DYNC1H1: variants seen among roughly 807,000 people sequenced by gnomAD.
DYNC1H1 encodes the protein cytoplasmic dynein 1 heavy chain 1.
In DYNC1H1, 51 loss-of-function variants were observed where a neutral mutation model predicts 527.1. That is an observed-to-expected ratio of 0.10 (90% CI 0.08 to 0.12). The LOEUF (loss-of-function observed/expected upper bound fraction) is 0.12, where lower values mean the gene tolerates loss of function less well. Among genes scored for constraint, DYNC1H1 ranks in the 10% least tolerant of loss-of-function variants. The pLI, the probability that DYNC1H1 is intolerant of heterozygous loss-of-function variation, is 1.00. For synonymous variants in DYNC1H1, 2,189 were observed against 2,278.8 expected (o/e 0.96, Z 1.12); for missense variants, 2,771 against 5,971.8 (o/e 0.46, Z 17.66).
At chr14:102,028,516 A>T (rs17512621) in intron 48 of DYNC1H1, 46,675 of 339,868 alleles carry the variant, frequency 0.14, 3,748 homozygotes, top group East Asian at 0.24. Flanking sequence ...CCCAGACTCA[A>T]AACAACATAA....
rs777184216 is a variant in DYNC1H1 at position 102,019,965 on chromosome 14, A to G, written c.8416A>G (p.Ile2806Val). Residue 2806 changes from isoleucine (I) to valine (V), a missense_variant, in exon 42 of 78, where the codon ATC becomes GTC. Ile to Val is a conservative substitution (Grantham distance 29). Coordinates refer to ENST00000360184, the MANE Select transcript of DYNC1H1 (RefSeq NM_001376.5). The stretch of plus-strand genomic sequence containing the variant: ...TGAAATGACTAGGTGGGTGAGAGGC[A>G]TCTTTGAAGCGCTGAGACCTCTGGA... Reference protein sequence around the residue: ...PREMTRWVRGIFEALRPLETL... With the variant: ...PREMTRWVRGVFEALRPLETL... 3.1e-6 allele frequency: 5 copies of G among 1,614,080 alleles called. No homozygotes were observed. The South Asian group carries it at 4.4e-5, about 14-fold the overall frequency.
Position 102,047,487 on chromosome 14 carries a change from A to G in DYNC1H1, c.13007-330A>G, listed in dbSNP as rs1214673989. ...AGGAGGCAGAGGTTGCAGTGAGCCA[A>G]GGTCACGCCACTGCACTCCAGTCTG... On this transcript the variant is annotated intron_variant, in intron 72 of 77. Transcript: ENST00000360184. 9.4e-4 allele frequency among the ~76,000 whole-genome samples: 143 copies of G among 152,006 alleles called. 4 individuals carry two copies. Among genetic ancestry groups the G allele is most frequent in the Admixed American group, 9.3e-3 (142 of 15,256 alleles).
chr14:101,999,916 C>T lies in DYNC1H1; in HGVS notation c.3805-73C>T, dbSNP rs8015117. 0.14 allele frequency: 219,517 copies of T among 1,607,562 alleles called. 18,858 individuals carry two copies. The highest frequency in any genetic ancestry group is 0.39 in the African/African-American group (29,252 of 74,882). On this transcript the variant is annotated intron_variant, in intron 16 of 77. Coordinates refer to ENST00000360184, the MANE Select transcript of DYNC1H1 (RefSeq NM_001376.5). Reference sequence around the variant, plus strand: ...CCAGAAGCCCTGCAGGCTCTGTGCACCATTTTAAAGCCTAAATGCTCATCT... The same window carrying T: ...CCAGAAGCCCTGCAGGCTCTGTGCATCATTTTAAAGCCTAAATGCTCATCT...
In DYNC1H1 at chr14:102,049,848, C is replaced by T. The variant is rs745501457; in HGVS notation, c.13650C>T (p.Gly4550=). The change falls in exon 76 of 78, where the codon GGC becomes GGT. Residue 4550 remains glycine (G), a synonymous_variant. Transcript: ENST00000360184. This position sits in a 1 kb window ranked among gnomAD's most constrained non-coding sequence, Gnocchi z 5.5. ...CLEVNVTTSQ[G]ATLDACSFGV... The stretch of plus-strand genomic sequence containing the variant: ...AAGTCAACGTCACCACCTCACAGGG[C>T]GCCACCCTTGACGCTTGCAGCTTCG... The T allele has an allele frequency of 8.1e-6, 13 of 1,613,710 alleles. No homozygotes were observed. Among genetic ancestry groups the T allele is most frequent in the South Asian group, 7.7e-5 (7 of 91,092 alleles).
intron 1 of DYNC1H1, among the ~76,000 whole-genome samples, chr14:101,974,662 C>G (rs1343290423): frequency 1.3e-5 from 2 of 152,120 alleles, no homozygotes; most frequent in Non-Finnish European, 2.9e-5. Flanking sequence ...CTTGAGGCTA[C>G]CTTACTATTA....
intron 7 of DYNC1H1, among the ~76,000 whole-genome samples, chr14:101,984,231 C>T (rs1213831454): frequency 2.0e-5 from 3 of 151,628 alleles, no homozygotes; most frequent in Non-Finnish European, 4.4e-5. Context: ...CTCAAATGAT[C>T]CGCCCACCTC....
chr14:101,976,500 C>T (rs920826122), intron 2 of DYNC1H1, among the ~76,000 whole-genome samples: 1 of 151,466 alleles, frequency 6.6e-6, no homozygotes, highest in Non-Finnish European at 1.5e-5. Context: ...CGAGATTGTG[C>T]CATTGCACTC....
chr14:102,050,214 C>T lies in DYNC1H1; in HGVS notation c.13812+16C>T, dbSNP rs1356598401. ...GGCCAGTGTGGTAAGGAGGCACTGC[C>T]TTTCCCAGGCATTCTGCAGGGACCC... On this transcript the variant is annotated intron_variant, in intron 77 of 77. Coordinates refer to ENST00000360184, the MANE Select transcript of DYNC1H1 (RefSeq NM_001376.5). 2 of 1,614,020 alleles carry T rather than the reference C, an allele frequency of 1.2e-6. No individual in the cohort carries two copies. Among genetic ancestry groups the T allele is most frequent in the Non-Finnish European group, 8.5e-7 (1 of 1,180,026 alleles).
chr14:102,023,034 A>C, intron 43 of DYNC1H1, 154 bp downstream of exon 43: 1 of 1,219,836 alleles, frequency 8.2e-7, no homozygotes, highest in Non-Finnish European at 1.2e-6. Flanking sequence ...AGGCTGAGGC[A>C]GGAGGATCAC....
intron 9 of DYNC1H1, 84 bp from the exon 10 acceptor site, chr14:101,988,619 A>T (rs2047962443): frequency 6.3e-7 from 1 of 1,582,642 alleles, no homozygotes; most frequent in African/African-American, 1.3e-5. Flanking sequence ...CTTTTATCTG[A>T]AACACCTACC....
Position 102,029,995 on chromosome 14 carries a change from G to T in DYNC1H1, c.9762+57G>T. The T allele has an allele frequency of 6.2e-7, 1 of 1,613,514 alleles. No homozygotes were observed. The highest frequency in any genetic ancestry group is 1.1e-5 in the South Asian group (1 of 90,728). ...ACTGAGCATTTTCAGTCTCCAATGA[G>T]AGAGTAGGAAATGTAGTTCCAAATG... On this transcript the variant is annotated intron_variant, in intron 50 of 77. Coordinates refer to ENST00000360184, the MANE Select transcript of DYNC1H1 (RefSeq NM_001376.5). This position sits in a 1 kb window ranked among gnomAD's most constrained non-coding sequence, Gnocchi z 5.3.
intron 34 of DYNC1H1, 126 bp from the exon 35 acceptor site, chr14:102,014,979 C>T: frequency 1.8e-6 from 2 of 1,102,986 alleles, no homozygotes; most frequent in Non-Finnish European, 2.7e-6. Flanking sequence ...CCATGCCTGG[C>T]TACTTTCTGT....
In DYNC1H1 at chr14:101,997,354, C is replaced by G. The variant is rs748424857; in HGVS notation, c.3804+80C>G. 6.2e-7 allele frequency: 1 copy of G among 1,605,690 alleles called. No individual in the cohort carries two copies. The highest frequency in any genetic ancestry group is 8.5e-7 in the Non-Finnish European group (1 of 1,176,886). On this transcript the variant is annotated intron_variant, in intron 16 of 77. Transcript: ENST00000360184. The surrounding 1 kb of genome is among the most constrained non-coding windows in gnomAD (Gnocchi z 4.8). ...GTGACTTTCTTTCAAGCCTAAAAGG[C>G]CTTGCTGTGACTGAGCTTTCTAGTA...
Position 102,011,006 on chromosome 14 carries a change from T to C in DYNC1H1, c.6618+54T>C. On this transcript the variant is annotated intron_variant, in intron 32 of 77. Coordinates refer to ENST00000360184, the MANE Select transcript of DYNC1H1 (RefSeq NM_001376.5). This position sits in a 1 kb window ranked among gnomAD's most constrained non-coding sequence, Gnocchi z 5.3. ...CCCTCACAGACCCTGCTGGCTTTAGTGTCTGGTAATGACAACCGTGGGCCC... is the reference window on the plus strand; with the variant it reads ...CCCTCACAGACCCTGCTGGCTTTAGCGTCTGGTAATGACAACCGTGGGCCC... 2 of 1,585,540 alleles carry C rather than the reference T, an allele frequency of 1.3e-6. No homozygotes were observed. The highest frequency in any genetic ancestry group is 1.1e-5 in the South Asian group (1 of 90,264).
Position 102,038,085 on chromosome 14 carries a change from A to G in DYNC1H1, c.10909-375A>G, listed in dbSNP as rs1355604509. The G allele has an allele frequency of 1.4e-5, 5 of 349,034 alleles. No homozygotes were observed. The highest frequency in any genetic ancestry group is 2.2e-5 in the Non-Finnish European group (4 of 178,200). The allele number at this position is 349,034 out of a possible 1,614,324, so 21.6% of individuals were successfully genotyped here. A position where few individuals can be genotyped will look rare whatever the true frequency, so the allele number is the denominator to read the frequency against. On this transcript the variant is annotated intron_variant, in intron 57 of 77. Coordinates refer to ENST00000360184, the MANE Select transcript of DYNC1H1 (RefSeq NM_001376.5). The surrounding 1 kb of genome is among the most constrained non-coding windows in gnomAD (Gnocchi z 7.2). ...AGTCTGAACCTCCCAGGTTCAAGCA[A>G]TTCTGTCTCAGCCTCCCAGGTAGCT... is the stretch of plus-strand genomic sequence containing the variant.
chr14:102,036,396 A>C lies in DYNC1H1; in HGVS notation c.10755-93A>C. ...TCTCGGGTGGTGGTAACAGCCTATCAATCAGGGTCTCTCATCAGGGACTCG... is the reference window on the plus strand; with the variant it reads ...TCTCGGGTGGTGGTAACAGCCTATCCATCAGGGTCTCTCATCAGGGACTCG... On this transcript the variant is annotated intron_variant, in intron 56 of 77. Coordinates refer to ENST00000360184, the MANE Select transcript of DYNC1H1 (RefSeq NM_001376.5). The surrounding 1 kb of genome is among the most constrained non-coding windows in gnomAD (Gnocchi z 5.6). 6.4e-7 allele frequency: 1 copy of C among 1,555,216 alleles called. No individual in the cohort carries two copies. The highest frequency in any genetic ancestry group is 8.8e-7 in the Non-Finnish European group (1 of 1,131,468).
chr14:102,050,286 C>A, intron 77 of DYNC1H1, 88 bp downstream of exon 77: 1 of 1,612,078 alleles, frequency 6.2e-7, no homozygotes, highest in South Asian at 1.1e-5. Context: ...GCCTGGGTTC[C>A]ACTTGGAACG....
chr14:102,042,476 G>A lies in DYNC1H1; in HGVS notation c.12368G>A (p.Arg4123Gln), dbSNP rs2048664099. 5 of 1,614,088 alleles carry A rather than the reference G, an allele frequency of 3.1e-6. No homozygotes were observed. Among genetic ancestry groups the A allele is most frequent in the Non-Finnish European group, 3.4e-6 (4 of 1,180,028 alleles). ...LHSLQPHACF[R>Q]LFLTMEINPK... ...TCCCTGCAGCCGCATGCCTGCTTCCGACTCTTCCTCACCATGGAGATCAAC... is the reference window on the plus strand; with the variant it reads ...TCCCTGCAGCCGCATGCCTGCTTCCAACTCTTCCTCACCATGGAGATCAAC... The change falls in exon 68 of 78, where the codon CGA (arginine) becomes CAA (glutamine). Residue 4123 changes from arginine to glutamine, a missense_variant. By Grantham distance (43) the Arg-to-Gln change is conservative. Transcript: ENST00000360184. This position sits in a 1 kb window ranked among gnomAD's most constrained non-coding sequence, Gnocchi z 5.7.
At chr14:101,977,903 T>A (rs2047819871) in intron 2 of DYNC1H1, among the ~76,000 whole-genome samples, 1 of 152,026 alleles carries the variant, frequency 6.6e-6, no homozygotes, top group South Asian at 2.1e-4. Flanking sequence ...TTTGTTTATT[T>A]TGAGATGGAG....
Sources: gnomAD v4.1 joint callset for allele counts (sites outside exome capture counted in the v4.1 genomes callset) on GRCh38, gnomAD v4.1.1 for gene constraint, Gnocchi (gnomAD v3.1) non-coding constraint, MANE v1.5 for transcripts, NCBI Gene and HGNC (gene_info 2026-07-23, HGNC 2026-07-21) for gene names.